Variants in SAMD5 observed in about 807,000 individuals in gnomAD.
The protein encoded by SAMD5 is sterile alpha motif domain-containing protein 5.
In SAMD5, 13 loss-of-function variants were observed where a neutral mutation model predicts 11.3. The observed-to-expected ratio is 1.15, with a 90% CI of 0.75 to 1.83. The LOEUF (loss-of-function observed/expected upper bound fraction) is 1.83. Among genes scored for constraint, SAMD5 ranks in the 40% most tolerant of loss-of-function variants. SAMD5 has a pLI of 0.00. For synonymous variants in SAMD5, 129 were observed against 111.3 expected (o/e 1.16, Z -1.00); for missense variants, 255 against 239.1 (o/e 1.07, Z -0.44).
intron 1 of SAMD5, among the ~76,000 whole-genome samples, chr6:147,729,550 C>CA (rs112585378): frequency 0.034 from 5,163 of 151,998 alleles, 117 homozygotes; most frequent in African/African-American, 0.057. Context: ...AAACAAAGAA[C>CA]AACAAAATAT....
At chr6:147,605,715 CAATTTATGCA>C (rs1789689668) in intron 1 of SAMD5, among the ~76,000 whole-genome samples, 1 of 152,022 alleles carries the variant, frequency 6.6e-6, no homozygotes, top group South Asian at 2.1e-4. Flanking sequence ...AATTTAATTG[CAATTTATGCA>C]AATTTATCAT....
At chr6:147,526,847 G>C (rs1235442008) in intron 1 of SAMD5, among the ~76,000 whole-genome samples, 1 of 149,844 alleles carries the variant, frequency 6.7e-6, no homozygotes, top group Non-Finnish European at 1.5e-5. Flanking sequence ...GGGCTGAGCT[G>C]TTGAGGAACT....
chr6:147,785,706 T>C, the SAMD5 span, among the ~76,000 whole-genome samples: 1 of 152,194 alleles, frequency 6.6e-6, no homozygotes, highest in Non-Finnish European at 1.5e-5. Flanking sequence ...GAATGCTTAA[T>C]GAGTACAAGG....
At chr6:147,588,678 T>A (rs1045885198) in intron 1 of SAMD5, among the ~76,000 whole-genome samples, 1 of 152,120 alleles carries the variant, frequency 6.6e-6, no homozygotes, top group African/African-American at 2.4e-5. Flanking sequence ...TGTTTTTTTT[T>A]ACTCTGTGAT....
At chr6:147,683,155 G>A (rs564592727) in intron 1 of SAMD5, among the ~76,000 whole-genome samples, 37 of 152,306 alleles carry the variant, frequency 2.4e-4, no homozygotes, top group Non-Finnish European at 4.7e-4. Context: ...TTAACACTGC[G>A]TGCCATTTGA....
At chr6:147,633,019 T>G (rs996855048) in intron 1 of SAMD5, among the ~76,000 whole-genome samples, 4 of 152,158 alleles carry the variant, frequency 2.6e-5, no homozygotes, top group African/African-American at 9.7e-5. Flanking sequence ...AGAGTAAAAC[T>G]TGGTCAGTCA....
chr6:147,799,942 G>C, the SAMD5 span, among the ~76,000 whole-genome samples: 3 of 151,912 alleles, frequency 2.0e-5, no homozygotes, highest in Non-Finnish European at 4.4e-5. Flanking sequence ...GCACTTCTCT[G>C]TATTGGTTAT....
chr6:147,628,067 G>A (rs1790085451), intron 1 of SAMD5, among the ~76,000 whole-genome samples: 1 of 152,162 alleles, frequency 6.6e-6, no homozygotes, highest in South Asian at 2.1e-4. Context: ...CCTCATGAAT[G>A]AAAATATTAT....
At chr6:147,877,397 A>G in the SAMD5 span, among the ~76,000 whole-genome samples, 1 of 152,166 alleles carries the variant, frequency 6.6e-6, no homozygotes, top group Non-Finnish European at 1.5e-5. Context: ...CAACCTTACA[A>G]CAGAGAAACC....
chr6:147,550,602 G>T (rs1404782041), intron 1 of SAMD5, among the ~76,000 whole-genome samples: 1 of 152,098 alleles, frequency 6.6e-6, no homozygotes, highest in African/African-American at 2.4e-5. Context: ...GTCTTTTGCA[G>T]CAATATAGAT....
At chr6:147,743,444 A>C in the SAMD5 span, 1 of 152,056 alleles carries the variant, frequency 6.6e-6, no homozygotes, top group African/African-American at 2.4e-5. Flanking sequence ...CGGAGCTTGC[A>C]GTGAGCCGAG....
At chr6:147,882,314 T>C in the SAMD5 span, among the ~76,000 whole-genome samples, 1 of 152,172 alleles carries the variant, frequency 6.6e-6, no homozygotes, top group East Asian at 1.9e-4. Flanking sequence ...ATGAAGTGAT[T>C]TGCCCCAGTT....
At chr6:147,644,754 T>C (rs1282027328) in intron 1 of SAMD5, among the ~76,000 whole-genome samples, 1 of 152,228 alleles carries the variant, frequency 6.6e-6, no homozygotes, top group Admixed American at 6.5e-5. Context: ...TGGAAAACTT[T>C]CCCCAGTATT....
the SAMD5 span, among the ~76,000 whole-genome samples, chr6:147,918,085 A>G: frequency 3.9e-4 from 60 of 152,230 alleles, no homozygotes; most frequent in South Asian, 0.012. Context: ...TTTTTTTCCA[A>G]TTCTTTGAAG....
chr6:147,583,274 T>C (rs1008482495), intron 1 of SAMD5, among the ~76,000 whole-genome samples: 6 of 152,226 alleles, frequency 3.9e-5, no homozygotes, highest in African/African-American at 7.2e-5. Flanking sequence ...ACAAGATGTA[T>C]CTGATCTAAT....
At chr6:147,714,925 A>T (rs1462104858) in intron 1 of SAMD5, among the ~76,000 whole-genome samples, 1 of 152,204 alleles carries the variant, frequency 6.6e-6, no homozygotes, top group African/African-American at 2.4e-5. Context: ...TTAGTTATTA[A>T]TCCTGATGAT....
the SAMD5 span, among the ~76,000 whole-genome samples, chr6:147,749,289 C>T: frequency 6.6e-6 from 1 of 151,908 alleles, no homozygotes. Flanking sequence ...CCTGCCTCAG[C>T]CTCCCAAGTA....
chr6:147,632,154 T>C (rs1790160974), intron 1 of SAMD5, among the ~76,000 whole-genome samples: 1 of 152,154 alleles, frequency 6.6e-6, no homozygotes, highest in African/African-American at 2.4e-5. Flanking sequence ...CTTATCAGCA[T>C]AAGAGCTGCC....
chr6:147,543,116 C>T (rs991302360), intron 1 of SAMD5, among the ~76,000 whole-genome samples: 22 of 152,158 alleles, frequency 1.4e-4, no homozygotes, highest in Non-Finnish European at 2.8e-4. Flanking sequence ...CCCCGCTCCC[C>T]TATCCTAGTT....
Sources: gnomAD v4.1 joint callset for allele counts (sites outside exome capture counted in the v4.1 genomes callset) on GRCh38, gnomAD v4.1.1 for gene constraint, MANE v1.5 for transcripts, NCBI Gene and HGNC (gene_info 2026-07-23, HGNC 2026-07-21) for gene names.